The following STAT6 variants were observed in gnomAD, a reference collection of about 807,000 sequenced individuals.
STAT6 encodes the protein signal transducer and activator of transcription 6, also known as STAT, interleukin4-induced.
STAT6 carries 45 observed loss-of-function variants against 106.3 expected under a neutral mutation model. The observed-to-expected ratio is 0.42, with a 90% CI of 0.33 to 0.54. STAT6 has a LOEUF of 0.54. Among genes scored for constraint, STAT6 ranks in the 20% least tolerant of loss-of-function variants. The probability of loss-of-function intolerance (pLI) is 0.06; values close to 1 mark genes in which losing one functional copy is unlikely to be tolerated. For missense variants in STAT6, 797 were observed against 1,062.2 expected, an observed-to-expected ratio of 0.75 and a Z score of 3.47; for synonymous variants, 413 against 413.6, an observed-to-expected ratio of 1.00 and a Z score of 0.02.
chr12:57,100,131 A>G, intron 13 of STAT6, 41 bp from the exon 14 acceptor site: 2 of 1,538,324 alleles, frequency 1.3e-6, no homozygotes, highest in Non-Finnish European at 1.8e-6. Flanking sequence ...AGGGAGGGCC[A>G]GAGCTGGAGC....
chr12:57,099,166 G>A lies in STAT6; in HGVS notation c.1892-88C>T. On this transcript the variant is annotated intron_variant, in intron 16 of 21. Coordinates refer to ENST00000300134, the MANE Select transcript of STAT6 (RefSeq NM_003153.5). This position sits in a 1 kb window ranked among gnomAD's most constrained non-coding sequence, Gnocchi z 4.7. ...AAAGGTGGGCATGGATCATGGGGAA[G>A]TAAGAGAAGCACAGCTATGAAATAG... The A allele has an allele frequency of 6.3e-7, 1 of 1,597,338 alleles. No homozygotes were observed. The highest frequency in any genetic ancestry group is 8.6e-7 in the Non-Finnish European group (1 of 1,166,350).
rs370503778 is a variant in STAT6, at chr12:57,099,277, T to G, written c.1891+17A>C. On this transcript the variant is annotated intron_variant, in intron 16 of 21. Transcript: ENST00000300134. This position sits in a 1 kb window ranked among gnomAD's most constrained non-coding sequence, Gnocchi z 4.7. ...GTGGGTGACAGGAAGGAATCAGAGC[T>G]GCCAGTTCCAGCTCACGCTTGTAGT... 4 of 1,613,838 alleles carry G rather than the reference T, an allele frequency of 2.5e-6. No individual in the cohort carries two copies. In the African/African-American group the frequency reaches 5.3e-5, roughly 22 times the overall value.
chr12:57,105,185 C>T lies in STAT6; in HGVS notation c.967G>A (p.Glu323Lys). 1 of 1,613,784 alleles carries T rather than the reference C, an allele frequency of 6.2e-7. No individual in the cohort carries two copies. Among genetic ancestry groups the T allele is most frequent in the Non-Finnish European group, 8.5e-7 (1 of 1,179,872 alleles). ...CCAGGACCCTGAGGCACACTCAGCT[C>T]CCGCGCCTGCTTCTCTGTCACCATG... is the stretch of plus-strand genomic sequence containing the variant. ...ADMVTEKQAR[E>K]LSVPQGPGAG... The change falls in exon 9 of 22, where the codon GAG becomes AAG. Residue 323 changes from glutamate (E) to lysine (K), a missense_variant. Around this residue, in one of 4 missense-constraint regions of STAT6, gnomAD observed 336 missense variants for 429.8 expected, o/e 0.78. Coordinates refer to ENST00000300134, the MANE Select transcript of STAT6 (RefSeq NM_003153.5).
rs1490159997 is a variant in STAT6, at chr12:57,099,675, A to T, written c.1744+92T>A. On this transcript the variant is annotated intron_variant, in intron 15 of 21. Coordinates refer to ENST00000300134, the MANE Select transcript of STAT6 (RefSeq NM_003153.5). This position sits in a 1 kb window ranked among gnomAD's most constrained non-coding sequence, Gnocchi z 4.7. ...CTGGAAGAACTTCCTGAAGATCAGG[A>T]TCGGCATCAGGAAGGTCAGGACATT... 3.9e-6 allele frequency: 6 copies of T among 1,546,662 alleles called. No individual in the cohort carries two copies. In the African/African-American group the frequency reaches 5.5e-5, roughly 14 times the overall value.
intron 19 of STAT6, among the ~76,000 whole-genome samples, chr12:57,098,118 G>C (rs576409602): frequency 2.0e-5 from 3 of 152,230 alleles, no homozygotes; most frequent in Admixed American, 6.5e-5. Context: ...GACAGAAAAT[G>C]CTCCTTCATT....
intron 7 of STAT6, 104 bp downstream of exon 7, chr12:57,106,087 C>A (rs2034256964): frequency 6.4e-7 from 1 of 1,558,876 alleles, no homozygotes; most frequent in Non-Finnish European, 8.7e-7. Context: ...TGGTCCACTC[C>A]AAGGCCCTCC....
intron 12 of STAT6, 102 bp from the exon 13 acceptor site, chr12:57,102,598 G>T: frequency 2.4e-6 from 3 of 1,235,060 alleles, no homozygotes; most frequent in South Asian, 1.4e-5. Flanking sequence ...CCCCTCCACA[G>T]CCCCTGATAT....
chr12:57,098,901 C>T lies in STAT6; in HGVS notation c.1957G>A (p.Asp653Asn). 1 of 1,613,752 alleles carries T rather than the reference C, an allele frequency of 6.2e-7. No homozygotes were observed. The highest frequency in any genetic ancestry group is 8.5e-7 in the Non-Finnish European group (1 of 1,179,792). The change falls in exon 18 of 22, where the codon GAC becomes AAC. Residue 653 changes from aspartate (D) to asparagine (N), a missense_variant and splice_region_variant. Physicochemically the swap from Asp to Asn is conservative, Grantham distance 23 (BLOSUM62 1). This residue lies in a region of STAT6 where 222 missense variants were observed against 354.6 expected (regional missense o/e 0.63). Transcript: ENST00000300134. ...PATIKMTVER[D>N]QPLPTPELQM... ...AGCTCTGGGGTAGGAAGTGGTTGGT[C>T]CCTGGAGGAGGGAAGGAGGTACATG...
chr12:57,104,406 G>A (rs2034142063), intron 11 of STAT6, 58 bp downstream of exon 11: 5 of 1,570,886 alleles, frequency 3.2e-6, no homozygotes, highest in Non-Finnish European at 4.3e-6. Context: ...GCCCTTGTGT[G>A]TGGCATTGGA....
Position 57,096,737 on chromosome 12 carries a change from A to G in STAT6, c.2379T>C (p.Pro793=), listed in dbSNP as rs2033458497. 2.5e-6 allele frequency: 4 copies of G among 1,612,902 alleles called. No homozygotes were observed. Among genetic ancestry groups the G allele is most frequent in the Non-Finnish European group, 3.4e-6 (4 of 1,179,566 alleles). The part of the protein sequence containing the change: ...GTWIGEDIFP[P]LLPPTEQDLT... Reference sequence around the variant, plus strand: ...GGTCCTGTTCAGTGGGAGGCAGCAGAGGAGGGAATATGTCTTCACCAATCC... The same window carrying G: ...GGTCCTGTTCAGTGGGAGGCAGCAGGGGAGGGAATATGTCTTCACCAATCC... The change falls in exon 22 of 22, where the codon CCT becomes CCC. Residue 793 remains proline (P), a synonymous_variant. Transcript: ENST00000300134.
rs2034561457 is a variant in STAT6 at position 57,111,190 on chromosome 12, T to C, written c.-83A>G. On this transcript the variant is annotated 5_prime_UTR_variant, in exon 1 of 22. Transcript: ENST00000300134. ...CGGGCACTTCCAGGCCCCATAGGTCTGTAGCTCTGTCCAGCGAGTTCAAGG... is the reference window on the plus strand; with the variant it reads ...CGGGCACTTCCAGGCCCCATAGGTCCGTAGCTCTGTCCAGCGAGTTCAAGG... 6.6e-6 allele frequency: 1 copy of C among 152,130 alleles called. No individual in the cohort carries two copies. Among genetic ancestry groups the C allele is most frequent in the Admixed American group, 6.6e-5 (1 of 15,232 alleles). 9.4% of individuals were successfully genotyped at this position (152,130 alleles called of 1,614,324 possible). A position where few individuals can be genotyped will look rare whatever the true frequency, so the allele number is the denominator to read the frequency against.
chr12:57,108,647 C>T (rs1185608139), intron 1 of STAT6, among the ~76,000 whole-genome samples: 1 of 152,288 alleles, frequency 6.6e-6, no homozygotes, highest in South Asian at 2.1e-4. Flanking sequence ...TTGTGGGCTT[C>T]GATCTTCTCA....
At position 57,102,965 on chromosome 12, in the gene STAT6, C is replaced by CTTTTTTTTTTTTT. The variant is rs747615370; in HGVS notation, c.1213-57_1213-45dup. On this transcript the variant is annotated intron_variant, in intron 11 of 21. Coordinates refer to ENST00000300134, the MANE Select transcript of STAT6 (RefSeq NM_003153.5). The stretch of plus-strand genomic sequence containing the variant: ...GGGGTTTCTTTTCTTTCTTTCTTTC[C>CTTTTTTTTTTTTT]TTTTTTTTTTTTTTTTTTTTTTTTT... The CTTTTTTTTTTTTT allele has an allele frequency of 7.3e-5, 22 of 303,358 alleles. 2 individuals are homozygous for CTTTTTTTTTTTTT. The highest frequency in any genetic ancestry group is 2.5e-4 in the East Asian group (2 of 7,920). 18.8% of individuals were successfully genotyped at this position (303,358 alleles called of 1,614,324 possible). A position where few individuals can be genotyped will look rare whatever the true frequency, so the allele number is the denominator to read the frequency against.
At position 57,096,995 on chromosome 12, in the gene STAT6, A is replaced by G. The variant is rs1426333076; in HGVS notation, c.2226-17T>C. On this transcript the variant is annotated splice_polypyrimidine_tract_variant and intron_variant, in intron 20 of 21. Transcript: ENST00000300134. ...AGCAGGCCCCTGCCAGGAACCAGCAATGGAAATAAGGAGAGCGGGGCAAGG... is the reference window on the plus strand; with the variant it reads ...AGCAGGCCCCTGCCAGGAACCAGCAGTGGAAATAAGGAGAGCGGGGCAAGG... The G allele has an allele frequency of 3.1e-6, 5 of 1,612,216 alleles. No individual in the cohort carries two copies. In the African/African-American group the frequency reaches 5.3e-5, roughly 17 times the overall value.
In STAT6 at chr12:57,106,711, C is replaced by A; in HGVS notation, c.460G>T (p.Gly154Trp). Reference sequence around the variant, plus strand: ...CCCCCACCTTGGCCAGCCTCAGCCCCCTTCTGCAGGGCTTCTCGGAGAAGG... The same window carrying A: ...CCCCCACCTTGGCCAGCCTCAGCCCACTTCTGCAGGGCTTCTCGGAGAAGG... ...IHLLREALQK[G>W]AEAGQVSLHS... The change falls in exon 5 of 22, where the codon GGG becomes TGG. Residue 154 changes from glycine (G) to tryptophan (W), a missense_variant. Physicochemically the swap from Gly to Trp is radical, Grantham distance 184 (BLOSUM62 -2). Coordinates refer to ENST00000300134, the MANE Select transcript of STAT6 (RefSeq NM_003153.5). The A allele has an allele frequency of 1.2e-6, 2 of 1,614,190 alleles. No homozygotes were observed. The highest frequency in any genetic ancestry group is 1.7e-5 in the Admixed American group (1 of 60,022).
rs199684935 is a variant in STAT6, at chr12:57,099,260, C to T, written c.1891+34G>A. On this transcript the variant is annotated intron_variant, in intron 16 of 21. Transcript: ENST00000300134. This position sits in a 1 kb window ranked among gnomAD's most constrained non-coding sequence, Gnocchi z 4.7. The stretch of plus-strand genomic sequence containing the variant: ...CGGGGAGCAGGGAGGAAGTGGGTGA[C>T]AGGAAGGAATCAGAGCTGCCAGTTC... 237 of 1,613,170 alleles carry T rather than the reference C, an allele frequency of 1.5e-4. 3 individuals are homozygous for T. The East Asian group carries it at 1.9e-3, about 13-fold the overall frequency.
In STAT6 at chr12:57,107,297, G is replaced by T. The variant is rs144249360; in HGVS notation, c.273C>A (p.Asp91Glu). 70 of 1,614,036 alleles carry T rather than the reference G, an allele frequency of 4.3e-5. 1 individual carries two copies. In the African/African-American group the frequency reaches 8.7e-4, roughly 20 times the overall value. The change falls in exon 4 of 22, where the codon GAC becomes GAA. Residue 91 changes from aspartate (D) to glutamate (E), a missense_variant. By Grantham distance (45) the Asp-to-Glu change is conservative. Coordinates refer to ENST00000300134, the MANE Select transcript of STAT6 (RefSeq NM_003153.5). ...ISTLESIYQR[D>E]PLKLVATFRQ... ...TGAAAGTGGCCACCAGCTTCAGGGG[G>T]TCCCTCTGATATATGCTCTACAGAA...
rs770496687 is a variant in STAT6, at chr12:57,106,677, C to T, written c.478+16G>A. The T allele has an allele frequency of 1.2e-6, 2 of 1,614,092 alleles. No individual in the cohort carries two copies. The highest frequency in any genetic ancestry group is 1.7e-6 in the Non-Finnish European group (2 of 1,179,974). ...AACCACTCCTACACACTCCCCAGAA[C>T]CACCCTGGCCCCCACCTTGGCCAGC... On this transcript the variant is annotated intron_variant, in intron 5 of 21. Transcript: ENST00000300134.
chr12:57,108,921 A>C (rs1321968204), intron 1 of STAT6, among the ~76,000 whole-genome samples: 1 of 152,240 alleles, frequency 6.6e-6, no homozygotes, highest in African/African-American at 2.4e-5. Context: ...AGGCTCGGCC[A>C]GGCGCAGTGG....
Sources: gnomAD v4.1 joint callset for allele counts (sites outside exome capture counted in the v4.1 genomes callset) on GRCh38, gnomAD v4.1.1 for gene constraint, gnomAD v4.1.1 regional missense constraint, Gnocchi (gnomAD v3.1) non-coding constraint, MANE v1.5 for transcripts, NCBI Gene and HGNC (gene_info 2026-07-23, HGNC 2026-07-21) for gene names.